SEC23IP: variants seen among roughly 807,000 people sequenced by gnomAD.
SEC23IP encodes SEC23-interacting protein.
Under a neutral mutation model 113.4 loss-of-function variants are expected in SEC23IP, and 70 were observed. The ratio of observed to expected loss-of-function variants is 0.62; its 90% CI spans 0.51 to 0.75. The LOEUF is 0.75. SEC23IP is among the 30% of genes least tolerant of loss of function. The pLI, the probability that SEC23IP is intolerant of heterozygous loss-of-function variation, is 0.00. For synonymous variants in SEC23IP, 398 were observed against 421.0 expected, an observed-to-expected ratio of 0.95 and a Z score of 0.67; for missense variants, 1,160 against 1,204.9, an observed-to-expected ratio of 0.96 and a Z score of 0.55.
chr10:119,903,081 T>TC, intron 3 of SEC23IP, 72 bp downstream of exon 3: 6 of 1,262,530 alleles, frequency 4.8e-6, no homozygotes, highest in Non-Finnish European at 5.6e-6. Context: ...ATTCATGATC[T>TC]ATTTTCTGTG....
At chr10:119,924,676 G>T (rs921436289) in intron 12 of SEC23IP, among the ~76,000 whole-genome samples, 1 of 152,082 alleles carries the variant, frequency 6.6e-6, no homozygotes, top group Non-Finnish European at 1.5e-5. Context: ...GCCTCCCAAA[G>T]TGCTGGGATT....
intron 18 of SEC23IP, among the ~76,000 whole-genome samples, chr10:119,934,406 T>G (rs1855708776): frequency 6.6e-6 from 1 of 152,216 alleles, no homozygotes; most frequent in Non-Finnish European, 1.5e-5. Flanking sequence ...TATGAAAGAT[T>G]GTAGAAGTAA....
intron 15 of SEC23IP, 133 bp downstream of exon 15, chr10:119,930,564 A>T (rs1855564183): frequency 2.0e-6 from 1 of 489,150 alleles, no homozygotes; most frequent in Admixed American, 3.8e-5. Context: ...AGAACTTTTA[A>T]ACTAAGAATT....
intron 8 of SEC23IP, 124 bp downstream of exon 8, chr10:119,916,013 C>A: frequency 1.3e-6 from 1 of 771,724 alleles, no homozygotes; most frequent in Non-Finnish European, 1.8e-6. Context: ...ATACTTCTGA[C>A]ATATAATTAA....
intron 18 of SEC23IP, among the ~76,000 whole-genome samples, chr10:119,937,302 C>T (rs528480947): frequency 2.0e-5 from 3 of 151,644 alleles, no homozygotes; most frequent in South Asian, 4.2e-4. Flanking sequence ...ATTTTTTTGG[C>T]GGCAGTTTGA....
Position 119,896,795 on chromosome 10 carries a change from T to C in SEC23IP, c.164-1632T>C, listed in dbSNP as rs147177388. On this transcript the variant is annotated intron_variant, in intron 1 of 18. Transcript: ENST00000369075. Reference sequence around the variant, plus strand: ...CACTGAGTTTTTTTTTTTTTCATTCTTTTAATTGTTGGGAATGAACTAAGA... The same window carrying C: ...CACTGAGTTTTTTTTTTTTTCATTCCTTTAATTGTTGGGAATGAACTAAGA... Among the ~76,000 whole-genome samples the C allele has an allele frequency of 8.1e-4, 124 of 152,202 alleles. 1 individual carries two copies. The highest frequency in any genetic ancestry group is 2.9e-3 in the African/African-American group (120 of 41,530).
Position 119,915,751 on chromosome 10 carries a change from A to C in SEC23IP, c.1406A>C (p.Asp469Ala). 1 of 1,531,430 alleles carries C rather than the reference A, an allele frequency of 6.5e-7. No homozygotes were observed. The highest frequency in any genetic ancestry group is 1.3e-5 in the South Asian group (1 of 76,272). The allele number at this position is 1,531,430 out of a possible 1,614,324, so 94.9% of individuals were successfully genotyped here. ...CTTTTTTTTTTTTCTTTTGAAGTGGATGATTTTAGGGTGGTTTCTCTCAAA... is the reference window on the plus strand; with the variant it reads ...CTTTTTTTTTTTTCTTTTGAAGTGGCTGATTTTAGGGTGGTTTCTCTCAAA... ...LRFRSIIECV[D>A]DFRVVSLKLL... is the part of the protein sequence containing the mutation. The change falls in exon 8 of 19, where the codon GAT becomes GCT. Residue 469 changes from aspartate (D) to alanine (A), a missense_variant. Asp to Ala is a moderately radical substitution (Grantham distance 126, BLOSUM62 -2). Transcript: ENST00000369075.
chr10:119,916,922 G>A (rs965020448), intron 8 of SEC23IP, among the ~76,000 whole-genome samples: 2 of 152,216 alleles, frequency 1.3e-5, no homozygotes, highest in South Asian at 4.1e-4. Flanking sequence ...GCTCTGGAGT[G>A]CGCTGGCATG....
intron 14 of SEC23IP, among the ~76,000 whole-genome samples, chr10:119,929,983 G>A (rs1855544468): frequency 6.6e-6 from 1 of 152,076 alleles, no homozygotes; most frequent in African/African-American, 2.4e-5. Context: ...TGAAGAACCT[G>A]TCCTCTTTAT....
At chr10:119,905,660 A>G (rs901936839) in intron 4 of SEC23IP, among the ~76,000 whole-genome samples, 1 of 152,200 alleles carries the variant, frequency 6.6e-6, no homozygotes, top group African/African-American at 2.4e-5. Context: ...AGACAAAACA[A>G]CGGAAGGGTT....
At chr10:119,918,596 A>G in intron 10 of SEC23IP, 85 bp downstream of exon 10, 1 of 740,934 alleles carries the variant, frequency 1.3e-6, no homozygotes, top group Non-Finnish European at 2.3e-6. Context: ...GTTTCTTGAA[A>G]CTTTTGTTTG....
intron 4 of SEC23IP, among the ~76,000 whole-genome samples, chr10:119,908,236 T>C (rs1357703871): frequency 6.6e-6 from 1 of 152,032 alleles, no homozygotes; most frequent in East Asian, 1.9e-4. Flanking sequence ...AAGTCCTGGG[T>C]GATATTACTC....
rs764985881 is a variant in SEC23IP at position 119,898,442 on chromosome 10, T to C, written c.179T>C (p.Val60Ala). The C allele has an allele frequency of 1.2e-6, 2 of 1,612,194 alleles. No homozygotes were observed. Among genetic ancestry groups the C allele is most frequent in the Admixed American group, 1.7e-5 (1 of 59,932 alleles). The change falls in exon 2 of 19, where the codon GTT becomes GCT. Residue 60 changes from valine to alanine, a missense_variant. Transcript: ENST00000369075. The part of the protein sequence containing the change: ...LLLPGEDSTD[V>A]GEEDSFLGQT... ...TCCATTTCAGAGGATTCCACAGATG[T>C]TGGTGAGGAGGACAGCTTCCTTGGT...
chr10:119,937,177 G>A (rs1855820226), intron 18 of SEC23IP, among the ~76,000 whole-genome samples: 1 of 151,598 alleles, frequency 6.6e-6, no homozygotes, highest in South Asian at 2.1e-4. Context: ...GCCCGGCCAG[G>A]GTCCTTTTCT....
intron 1 of SEC23IP, among the ~76,000 whole-genome samples, chr10:119,893,273 C>T (rs959409031): frequency 6.6e-6 from 1 of 152,110 alleles, no homozygotes; most frequent in Non-Finnish European, 1.5e-5. Context: ...TAAACAGTGG[C>T]CCTCTCCTAG....
intron 2 of SEC23IP, among the ~76,000 whole-genome samples, chr10:119,902,448 A>G (rs1251567487): frequency 6.6e-6 from 1 of 152,162 alleles, no homozygotes; most frequent in Non-Finnish European, 1.5e-5. Context: ...GGTCTGGTTC[A>G]CCTTGTAATT....
rs536593897 is a variant in SEC23IP at position 119,921,510 on chromosome 10, A to G, written c.2121+526A>G. 3.0e-4 allele frequency among the ~76,000 whole-genome samples: 46 copies of G among 152,324 alleles called. 1 individual carries two copies. In the South Asian group the frequency reaches 8.9e-3, roughly 29 times the overall value. On this transcript the variant is annotated intron_variant, in intron 12 of 18. Coordinates refer to ENST00000369075, the MANE Select transcript of SEC23IP (RefSeq NM_007190.4). ...TAAAATGGAATAATACCTTCCTTAC[A>G]GGATTGGAGTAAGCATGAAATAATG...
chr10:119,908,740 A>AT (rs1355729154), intron 4 of SEC23IP, among the ~76,000 whole-genome samples: 2 of 151,824 alleles, frequency 1.3e-5, no homozygotes, highest in South Asian at 2.1e-4. Context: ...GGGATGATAC[A>AT]TTTTTTTTCT....
Position 119,912,074 on chromosome 10 carries a change from C to G in SEC23IP, c.1222C>G (p.Pro408Ala), listed in dbSNP as rs752167297. ...VIVQFQPSSV[P>A]DEWGTTQDGQ... is the part of the protein sequence containing the mutation. ...TGTTCAGTTCCAGCCCTCCTCAGTG[C>G]CAGATGAATGGGGCACCACGCAAGA... The change falls in exon 6 of 19, where the codon CCA (proline) becomes GCA (alanine). Residue 408 changes from proline to alanine, a missense_variant. Physicochemically the swap from Pro to Ala is conservative, Grantham distance 27. Transcript: ENST00000369075. 1.2e-6 allele frequency: 2 copies of G among 1,614,024 alleles called. No individual in the cohort carries two copies. The highest frequency in any genetic ancestry group is 1.7e-6 in the Non-Finnish European group (2 of 1,179,944).
Sources: allele counts gnomAD v4.1 joint callset (sites outside exome capture counted in the v4.1 genomes callset), GRCh38; gene constraint gnomAD v4.1.1; transcripts MANE v1.5; gene names NCBI Gene and HGNC (gene_info 2026-07-23, HGNC 2026-07-21).